The following RGS22 variants were observed in gnomAD, a reference collection of about 807,000 sequenced individuals.
RGS22 encodes regulator of G protein signaling 22.
In RGS22, 148 loss-of-function variants were observed where a neutral mutation model predicts 172.9. That is an observed-to-expected ratio of 0.86 (90% confidence interval 0.75 to 0.98). RGS22 has a LOEUF of 0.98. RGS22 is among the 50% of genes least tolerant of loss of function. The pLI is 0.00. For synonymous variants in RGS22, 458 were observed against 480.2 expected (o/e 0.95, Z 0.60); for missense variants, 1,347 against 1,440.8 (o/e 0.93, Z 1.05).
At chr8:100,091,589 A>AT (rs902684359) in intron 3 of RGS22, among the ~76,000 whole-genome samples, 7 of 152,286 alleles carry the variant, frequency 4.6e-5, no homozygotes, top group African/African-American at 1.7e-4. Flanking sequence ...CTTAAAATAG[A>AT]TTTTTTTAAA....
chr8:100,022,891 C>T (rs1297273811), intron 14 of RGS22, among the ~76,000 whole-genome samples: 5 of 152,030 alleles, frequency 3.3e-5, no homozygotes, highest in Non-Finnish European at 7.4e-5. Flanking sequence ...CCAAACCAGG[C>T]TAATTTTTGT....
chr8:99,973,624 C>T (rs1218353890), intron 23 of RGS22, among the ~76,000 whole-genome samples: 2 of 152,096 alleles, frequency 1.3e-5, no homozygotes, highest in Non-Finnish European at 2.9e-5. Context: ...AATCCCAGCA[C>T]TTTGGGAGAC....
intron 23 of RGS22, among the ~76,000 whole-genome samples, chr8:99,977,389 C>G (rs1563566212): frequency 6.7e-6 from 1 of 150,176 alleles, no homozygotes; most frequent in Admixed American, 6.7e-5. Context: ...TCCCAAAGTG[C>G]TGGGATTACA....
chr8:99,997,072 CT>C (rs943360825), intron 19 of RGS22, among the ~76,000 whole-genome samples: 3 of 152,132 alleles, frequency 2.0e-5, no homozygotes, highest in Non-Finnish European at 2.9e-5. Flanking sequence ...GGGGCTAAGT[CT>C]TTTTGATAGA....
At chr8:99,984,399 T>C (rs1478788501) in intron 21 of RGS22, among the ~76,000 whole-genome samples, 1 of 152,210 alleles carries the variant, frequency 6.6e-6, no homozygotes, top group Non-Finnish European at 1.5e-5. Context: ...AATTATAATT[T>C]TGAGTAAAAG....
chr8:99,983,131 A>G (rs1030941673), intron 21 of RGS22, among the ~76,000 whole-genome samples: 1 of 152,192 alleles, frequency 6.6e-6, no homozygotes, highest in Non-Finnish European at 1.5e-5. Context: ...TGCAAAGGAC[A>G]TGATTTCATT....
In RGS22 at chr8:100,051,584, T is replaced by A. The variant is rs1282333734; in HGVS notation, c.1689+1218A>T. 2.2e-3 allele frequency among the ~76,000 whole-genome samples: 170 copies of A among 77,840 alleles called. 7 individuals are homozygous for A. The highest frequency in any genetic ancestry group is 9.8e-3 in the African/African-American group (160 of 16,326). The allele number at this position is 77,840 out of a possible 152,430, so 51.1% of individuals were successfully genotyped here. A position where few individuals can be genotyped will look rare whatever the true frequency, so the allele number is the denominator to read the frequency against. The stretch of plus-strand genomic sequence containing the variant: ...ATAAATATATATTTATATATGTTTA[T>A]ACATATATAAATATATATTTATATA... On this transcript the variant is annotated intron_variant, in intron 10 of 27. Transcript: ENST00000360863.
chr8:99,985,549 GGATGTCTTCCTGCCT>G (rs1563576134), intron 21 of RGS22, among the ~76,000 whole-genome samples: 1 of 152,128 alleles, frequency 6.6e-6, no homozygotes, highest in Non-Finnish European at 1.5e-5. Flanking sequence ...TTGTTCTCAT[GGATGTCTTCCTGCCT>G]GAAAGAGGGC....
intron 14 of RGS22, among the ~76,000 whole-genome samples, chr8:100,037,176 T>C (rs1586070371): frequency 1.3e-5 from 2 of 152,256 alleles, no homozygotes; most frequent in African/African-American, 4.8e-5. Context: ...TGCATGCCTG[T>C]AATCCCAGCA....
rs73699897 is a variant in RGS22 at position 99,962,943 on chromosome 8, T to C, written c.3651A>G (p.Leu1217=). The change falls in exon 25 of 28, where the codon TTA becomes TTG. Residue 1217 remains leucine (L), a synonymous_variant. Transcript: ENST00000360863. ...TWCYSKYIEA[L]EQERILLKIQ... ...TCTTAAGAAGAATTCTCTCCTGTTC[T>C]AAGGCTTCTATATACTTTGAGTAGC... The C allele has an allele frequency of 5.0e-3, 7,912 of 1,596,860 alleles. 298 individuals are homozygous for C. In the African/African-American group the frequency reaches 0.092, roughly 19 times the overall value.
chr8:100,085,976 G>C (rs1178468417), intron 3 of RGS22, among the ~76,000 whole-genome samples: 2 of 152,156 alleles, frequency 1.3e-5, no homozygotes, highest in Non-Finnish European at 2.9e-5. Context: ...TGATGGCACA[G>C]AAGGATTCAT....
rs147432858 is a variant in RGS22, at chr8:100,015,813, C to T, written c.2167-7244G>A. Among the ~76,000 whole-genome samples the T allele has an allele frequency of 2.0e-4, 31 of 152,260 alleles. No individual in the cohort carries two copies. In the East Asian group the frequency reaches 5.6e-3, roughly 27 times the overall value. On this transcript the variant is annotated intron_variant, in intron 14 of 27. Transcript: ENST00000360863. The stretch of plus-strand genomic sequence containing the variant: ...CTGACCAAGCAAGGCCAGACCTTTC[C>T]CAGGTTACTGTCTGCTACCTTTCTT...
At chr8:99,969,442 G>A (rs1811095156) in intron 23 of RGS22, among the ~76,000 whole-genome samples, 1 of 151,996 alleles carries the variant, frequency 6.6e-6, no homozygotes, top group African/African-American at 2.4e-5. Context: ...GACACAAACT[G>A]GCAAATTGGA....
chr8:99,969,027 G>C (rs1214087707), intron 23 of RGS22, among the ~76,000 whole-genome samples: 4 of 152,160 alleles, frequency 2.6e-5, no homozygotes, highest in African/African-American at 9.7e-5. Context: ...CCATCAGACT[G>C]ACAGCGGATC....
chr8:99,972,836 G>T (rs928418001), intron 23 of RGS22, among the ~76,000 whole-genome samples: 2 of 151,826 alleles, frequency 1.3e-5, no homozygotes, highest in Non-Finnish European at 2.9e-5. Context: ...GATCGAGACC[G>T]ACCAGGCTAA....
Position 100,085,937 on chromosome 8 carries a change from A to G in RGS22, c.118-5582T>C, listed in dbSNP as rs530284365. On this transcript the variant is annotated intron_variant, in intron 3 of 27. Coordinates refer to ENST00000360863, the MANE Select transcript of RGS22 (RefSeq NM_015668.5). Reference sequence around the variant, plus strand: ...TTGAACTCCAGTTTAACACAGAACAAGCACAATAGAAGAACATACAAAGTA... The same window carrying G: ...TTGAACTCCAGTTTAACACAGAACAGGCACAATAGAAGAACATACAAAGTA... 6.6e-5 allele frequency among the ~76,000 whole-genome samples: 10 copies of G among 152,330 alleles called. No individual in the cohort carries two copies. In the East Asian group the frequency reaches 1.9e-3, roughly 29 times the overall value.
chr8:100,029,876 AC>A (rs1415598363), intron 14 of RGS22, among the ~76,000 whole-genome samples: 1 of 152,174 alleles, frequency 6.6e-6, no homozygotes, highest in Non-Finnish European at 1.5e-5. Context: ...TTTGTAAAAC[AC>A]AAATATAATG....
rs776862750 is a variant in RGS22 at position 100,052,844 on chromosome 8, T to C, written c.1647A>G (p.Pro549=). 1.9e-6 allele frequency: 3 copies of C among 1,614,144 alleles called. No homozygotes were observed. The highest frequency in any genetic ancestry group is 1.1e-5 in the South Asian group (1 of 91,084). ...DPFPQMATLL[P]LRPKSCIPQI... ...GTGGAATGCAAGATTTGGGTCTTAA[T>C]GGCAAGAGGGTTGCCATTTGTGGAA... Residue 549 remains proline, a synonymous_variant, in exon 10 of 28, where the codon CCA becomes CCG. Transcript: ENST00000360863.
chr8:99,981,597 G>C (rs1812553946), intron 22 of RGS22, among the ~76,000 whole-genome samples: 1 of 152,018 alleles, frequency 6.6e-6, no homozygotes, highest in African/African-American at 2.4e-5. Flanking sequence ...AGTCACATAT[G>C]CAAAGATTAT....
Sources: allele counts gnomAD v4.1 joint callset (sites outside exome capture counted in the v4.1 genomes callset), GRCh38; gene constraint gnomAD v4.1.1; transcripts MANE v1.5; gene names NCBI Gene and HGNC (gene_info 2026-07-23, HGNC 2026-07-21).